CACNA2D1: variants seen among roughly 807,000 people sequenced by gnomAD.
CACNA2D1 encodes the protein calcium voltage-gated channel auxiliary subunit alpha2delta 1.
In CACNA2D1, 53 loss-of-function variants were observed where a neutral mutation model predicts 171.5. The observed-to-expected ratio is 0.31, with a 90% CI of 0.25 to 0.39. The LOEUF (loss-of-function observed/expected upper bound fraction) is 0.39, where lower values mean the gene tolerates loss of function less well. CACNA2D1 is among the 10% of genes least tolerant of loss of function. The pLI, the probability that CACNA2D1 is intolerant of heterozygous loss-of-function variation, is 1.00. For synonymous variants in CACNA2D1, 442 were observed against 443.1 expected (o/e 1.00, Z 0.03); for missense variants, 903 against 1,299.8 (o/e 0.69, Z 4.69).
rs560007630 is a variant in CACNA2D1, at chr7:82,192,265, A to C, written c.295-21656T>G. Among the ~76,000 whole-genome samples the C allele has an allele frequency of 1.6e-3, 244 of 151,882 alleles. 2 individuals are homozygous for C. The highest frequency in any genetic ancestry group is 5.7e-3 in the African/African-American group (238 of 41,536). On this transcript the variant is annotated intron_variant, in intron 3 of 38. Coordinates refer to ENST00000356860, the MANE Select transcript of CACNA2D1 (RefSeq NM_000722.4). ...AGGTGGATATGACATAAAATCACTTAGTGCTGAGTGCCAAGCATTGTATTA... is the reference window on the plus strand; with the variant it reads ...AGGTGGATATGACATAAAATCACTTCGTGCTGAGTGCCAAGCATTGTATTA...
intron 4 of CACNA2D1, among the ~76,000 whole-genome samples, chr7:82,146,621 T>C (rs566024393): frequency 6.6e-6 from 1 of 151,010 alleles, no homozygotes; most frequent in South Asian, 2.1e-4. Flanking sequence ...TAGCAGTGTC[T>C]GGAATGCTGT....
intron 1 of CACNA2D1, among the ~76,000 whole-genome samples, chr7:82,380,138 T>C (rs951317908): frequency 1.3e-5 from 2 of 152,196 alleles, no homozygotes; most frequent in South Asian, 2.1e-4. Flanking sequence ...ACAGTATCCA[T>C]GAAGCAGAAA....
chr7:81,951,970 T>TTTTTTTTTGTTTTTTTTG (rs1554321663), intron 38 of CACNA2D1, among the ~76,000 whole-genome samples: 1 of 23,960 alleles, frequency 4.2e-5, no homozygotes, highest in South Asian at 1.7e-3. Context: ...GTACAAAGTG[T>TTTTTTTTTGTTTTTTTTG]TTTTTTTTTT....
intron 7 of CACNA2D1, among the ~76,000 whole-genome samples, chr7:82,069,452 C>T (rs1399054428): frequency 1.3e-5 from 2 of 152,122 alleles, no homozygotes. Flanking sequence ...AAGGTGATAA[C>T]AATGATTTAC....
intron 2 of CACNA2D1, among the ~76,000 whole-genome samples, chr7:82,341,251 T>C (rs1430147416): frequency 1.3e-5 from 2 of 152,206 alleles, no homozygotes; most frequent in African/African-American, 2.4e-5. Flanking sequence ...AGTATTTTTC[T>C]ATATCATTAA....
intron 4 of CACNA2D1, among the ~76,000 whole-genome samples, chr7:82,163,499 G>A (rs990436273): frequency 6.6e-6 from 1 of 152,008 alleles, no homozygotes; most frequent in Admixed American, 6.6e-5. Context: ...ACATTGAGAA[G>A]ATGAGGGTAA....
intron 31 of CACNA2D1, 128 bp from the exon 32 acceptor site, chr7:81,965,793 C>CAT: frequency 1.5e-6 from 1 of 673,022 alleles, no homozygotes; most frequent in African/African-American, 1.8e-5. Flanking sequence ...TTCTCTTGAA[C>CAT]ATATATGTTC....
At chr7:82,252,561 C>T (rs1180783571) in intron 3 of CACNA2D1, among the ~76,000 whole-genome samples, 8 of 152,170 alleles carry the variant, frequency 5.3e-5, no homozygotes, top group Admixed American at 5.2e-4. Context: ...GAAAATGTCA[C>T]TGCCATTTGA....
intron 12 of CACNA2D1, among the ~76,000 whole-genome samples, chr7:82,019,779 A>G (rs962748088): frequency 6.6e-6 from 1 of 152,194 alleles, no homozygotes; most frequent in Non-Finnish European, 1.5e-5. Context: ...TACAATAGGC[A>G]AATCTCCAAA....
chr7:82,034,972 C>A (rs1169394149), intron 11 of CACNA2D1, among the ~76,000 whole-genome samples: 1 of 151,888 alleles, frequency 6.6e-6, no homozygotes, highest in East Asian at 1.9e-4. Context: ...TGTGGTGGAG[C>A]CAAGTACATA....
intron 12 of CACNA2D1, among the ~76,000 whole-genome samples, chr7:82,024,881 A>G (rs1016539889): frequency 6.6e-6 from 1 of 151,580 alleles, no homozygotes; most frequent in Non-Finnish European, 1.5e-5. Context: ...CAGTTTTCCA[A>G]CACCATTTGT....
At chr7:82,379,839 T>C (rs1823491764) in intron 1 of CACNA2D1, among the ~76,000 whole-genome samples, 1 of 152,050 alleles carries the variant, frequency 6.6e-6, no homozygotes. Context: ...CCTCTCTTCC[T>C]ATATATATCC....
intron 38 of CACNA2D1, among the ~76,000 whole-genome samples, chr7:81,954,703 T>G (rs558291453): frequency 6.6e-6 from 1 of 152,304 alleles, no homozygotes. Flanking sequence ...TTCTGAATTA[T>G]AGCCATCATT....
chr7:82,405,251 A>T (rs901451468), intron 1 of CACNA2D1, among the ~76,000 whole-genome samples: 2 of 152,224 alleles, frequency 1.3e-5, no homozygotes, highest in African/African-American at 4.8e-5. Flanking sequence ...GTAACATAAA[A>T]AAATAGATGG....
At chr7:82,306,330 C>A (rs1813726701) in intron 3 of CACNA2D1, among the ~76,000 whole-genome samples, 1 of 152,162 alleles carries the variant, frequency 6.6e-6, no homozygotes, top group South Asian at 2.1e-4. Flanking sequence ...TCTGAATTTG[C>A]CAACCTCTCA....
chr7:82,131,191 C>T (rs571206525), intron 5 of CACNA2D1, among the ~76,000 whole-genome samples: 65 of 152,268 alleles, frequency 4.3e-4, no homozygotes, highest in African/African-American at 1.4e-3. Context: ...TGTTAACAAA[C>T]TGCAACCTAC....
intron 24 of CACNA2D1, among the ~76,000 whole-genome samples, chr7:81,975,211 T>C (rs1795713372): frequency 6.6e-6 from 1 of 152,140 alleles, no homozygotes; most frequent in African/African-American, 2.4e-5. Context: ...AGGTTCTCTC[T>C]GTATTATTTC....
At chr7:82,126,892 A>G (rs903557912) in intron 5 of CACNA2D1, among the ~76,000 whole-genome samples, 1 of 152,134 alleles carries the variant, frequency 6.6e-6, no homozygotes, top group Non-Finnish European at 1.5e-5. Flanking sequence ...CCCTGGCAAT[A>G]TTCTTTGTCT....
chr7:82,291,508 AG>A (rs1811590407), intron 3 of CACNA2D1, among the ~76,000 whole-genome samples: 1 of 137,680 alleles, frequency 7.3e-6, no homozygotes, highest in Non-Finnish European at 1.5e-5. Flanking sequence ...ATATATAGAT[AG>A]ATCTATATAT....
Sources: gnomAD v4.1 joint callset for allele counts (sites outside exome capture counted in the v4.1 genomes callset) on GRCh38, gnomAD v4.1.1 for gene constraint, MANE v1.5 for transcripts, NCBI Gene and HGNC (gene_info 2026-07-23, HGNC 2026-07-21) for gene names.